ANKFN1: variants seen among roughly 807,000 people sequenced by gnomAD.
The protein encoded by ANKFN1 is ankyrin repeat and fibronectin type III domain containing 1, also known as ankyrin repeat and fibronectin type-III domain-containing protein 1.
Under a neutral mutation model 108.7 loss-of-function variants are expected in ANKFN1, and 74 were observed. The observed-to-expected ratio is 0.68, with a 90% CI of 0.56 to 0.83. The LOEUF (loss-of-function observed/expected upper bound fraction) is 0.83, where lower values mean the gene tolerates loss of function less well. ANKFN1 is among the 40% of genes least tolerant of loss of function. The probability of loss-of-function intolerance (pLI) is 0.00; values close to 1 mark genes in which losing one functional copy is unlikely to be tolerated. For missense variants in ANKFN1, 1,505 were observed against 1,382.3 expected (o/e 1.09, Z -1.41); for synonymous variants, 547 against 516.2 (o/e 1.06, Z -0.81).
chr17:56,240,879 G>T (rs1206053724), intron 3 of ANKFN1, among the ~76,000 whole-genome samples: 1 of 151,070 alleles, frequency 6.6e-6, no homozygotes, highest in African/African-American at 2.4e-5. Flanking sequence ...TTATTTTTAT[G>T]GTTTTGTATA....
intron 4 of ANKFN1, among the ~76,000 whole-genome samples, chr17:56,132,050 G>A (rs1388794304): frequency 6.6e-6 from 1 of 152,058 alleles, no homozygotes; most frequent in Non-Finnish European, 1.5e-5. Flanking sequence ...TTCATTTACT[G>A]TTCACAGTTG....
At chr17:56,068,586 G>A (rs1428764382) in intron 4 of ANKFN1, among the ~76,000 whole-genome samples, 1 of 152,198 alleles carries the variant, frequency 6.6e-6, no homozygotes, top group Non-Finnish European at 1.5e-5. Flanking sequence ...AGAAGGTAGT[G>A]AAAGATTTAG....
chr17:56,391,788 A>T (rs2047446080), intron 8 of ANKFN1, among the ~76,000 whole-genome samples: 1 of 152,160 alleles, frequency 6.6e-6, no homozygotes, highest in African/African-American at 2.4e-5. Flanking sequence ...TGAGAACATA[A>T]GGTCAAGTTT....
chr17:56,511,163 C>A lies in ANKFN1; in HGVS notation c.3335C>A (p.Pro1112Gln), dbSNP rs1478337173. 2 of 1,535,940 alleles carry A rather than the reference C, an allele frequency of 1.3e-6. No homozygotes were observed. The highest frequency in any genetic ancestry group is 2.7e-5 in the African/African-American group (2 of 73,060). The change falls in exon 21 of 21, where the codon CCG (proline) becomes CAG (glutamine). Residue 1112 changes from proline (P) to glutamine (Q), a missense_variant. Pro to Gln is a moderately conservative substitution (Grantham distance 76). Coordinates refer to ENST00000682825, the MANE Select transcript of ANKFN1 (RefSeq NM_001370326.1). The part of the protein sequence containing the change: ...QDEKPWASLS[P>Q]PSGGRITLPS... Reference sequence around the variant, plus strand: ...GAAAAACCATGGGCAAGCTTGAGCCCGCCCTCTGGAGGCCGCATCACCCTG... The same window carrying A: ...GAAAAACCATGGGCAAGCTTGAGCCAGCCCTCTGGAGGCCGCATCACCCTG...
rs1251333132 is a variant in ANKFN1, at chr17:56,318,256, C to T, written c.54-7965C>T. On this transcript the variant is annotated intron_variant, in intron 3 of 20. Coordinates refer to ENST00000682825, the MANE Select transcript of ANKFN1 (RefSeq NM_001370326.1). The stretch of plus-strand genomic sequence containing the variant: ...AATGGTTCTGGGGGGGGTGTGCTGG[C>T]CTTTGGCATGATACCTCTACCCTCA... Among the ~76,000 whole-genome samples, 7 of 152,004 alleles carry T rather than the reference C, an allele frequency of 4.6e-5. No homozygotes were observed. In the East Asian group the frequency reaches 1.4e-3, roughly 29 times the overall value.
chr17:56,333,701 C>G (rs1416969953), intron 4 of ANKFN1, among the ~76,000 whole-genome samples: 3 of 151,890 alleles, frequency 2.0e-5, no homozygotes, highest in African/African-American at 7.3e-5. Context: ...GAAAATGAAG[C>G]CAAAGTTTTG....
intron 6 of ANKFN1, among the ~76,000 whole-genome samples, chr17:56,359,062 C>G (rs936035623): frequency 6.6e-6 from 1 of 152,180 alleles, no homozygotes; most frequent in East Asian, 1.9e-4. Flanking sequence ...AATCTGGTCA[C>G]TCACAGAGAT....
chr17:56,260,783 T>C (rs1327273542), intron 3 of ANKFN1, among the ~76,000 whole-genome samples: 2 of 152,098 alleles, frequency 1.3e-5, no homozygotes, highest in Admixed American at 6.6e-5. Flanking sequence ...TCCAGTTACC[T>C]CTCCTTTAAA....
At chr17:56,323,324 A>C (rs539292753) in intron 3 of ANKFN1, 2 of 152,668 alleles carry the variant, frequency 1.3e-5, no homozygotes, top group East Asian at 3.9e-4. Flanking sequence ...TCTCACTTAT[A>C]CTTCTCTCAG....
At chr17:56,354,536 G>C (rs2046326375) in intron 6 of ANKFN1, among the ~76,000 whole-genome samples, 1 of 152,104 alleles carries the variant, frequency 6.6e-6, no homozygotes, top group Non-Finnish European at 1.5e-5. Flanking sequence ...TGCTTGTTGG[G>C]AATACTTCCA....
chr17:56,483,306 C>T (rs981153909), intron 18 of ANKFN1, among the ~76,000 whole-genome samples: 3 of 152,078 alleles, frequency 2.0e-5, no homozygotes, highest in Non-Finnish European at 2.9e-5. Context: ...AGCAAGAGTT[C>T]GGTCAGTTCA....
intron 6 of ANKFN1, among the ~76,000 whole-genome samples, chr17:56,369,208 A>C (rs1482578577): frequency 6.6e-6 from 1 of 152,146 alleles, no homozygotes; most frequent in Non-Finnish European, 1.5e-5. Flanking sequence ...TTGGTGCTAG[A>C]GAAGGCAGCT....
At chr17:56,207,624 C>A (rs1464266444) in intron 1 of ANKFN1, among the ~76,000 whole-genome samples, 1 of 152,208 alleles carries the variant, frequency 6.6e-6, no homozygotes, top group African/African-American at 2.4e-5. Flanking sequence ...TTTGTCTTCT[C>A]ATTCTCCACT....
chr17:56,197,521 T>C (rs1228203468), intron 1 of ANKFN1, among the ~76,000 whole-genome samples: 2 of 152,182 alleles, frequency 1.3e-5, no homozygotes, highest in African/African-American at 2.4e-5. Flanking sequence ...AGCAAATTCC[T>C]AGGGAGGCTG....
In ANKFN1 at chr17:56,492,236, T is replaced by C; in HGVS notation, c.2310T>C (p.Leu770=). The change falls in exon 19 of 21, where the codon CTT becomes CTC. Residue 770 remains leucine (L), a synonymous_variant. Transcript: ENST00000682825. ...REKFISLYCR[L]SAVVELDSLN... ...AATTTATTAGTCTGTATTGCCGCCT[T>C]TCTGCTGTTGTGGAGCTGGATTCTC... 1.4e-6 allele frequency: 1 copy of C among 702,618 alleles called. No homozygotes were observed. The highest frequency in any genetic ancestry group is 2.6e-6 in the Non-Finnish European group (1 of 384,734). The allele number at this position is 702,618 out of a possible 1,614,324, so 43.5% of individuals were successfully genotyped here. A position where few individuals can be genotyped will look rare whatever the true frequency, so the allele number is the denominator to read the frequency against.
chr17:56,069,487 C>CTGTGT (rs1905096519), intron 4 of ANKFN1, among the ~76,000 whole-genome samples: 1 of 152,172 alleles, frequency 6.6e-6, no homozygotes, highest in Non-Finnish European at 1.5e-5. Flanking sequence ...CCTAAGCAAA[C>CTGTGT]CACTGAATGA....
chr17:56,146,167 G>A (rs1658235326), intron 4 of ANKFN1, among the ~76,000 whole-genome samples: 1 of 152,218 alleles, frequency 6.6e-6, no homozygotes, highest in Admixed American at 6.5e-5. Context: ...TCCAGATTAT[G>A]CTGATGCAAG....
chr17:56,278,787 A>G (rs2043999166), intron 3 of ANKFN1, among the ~76,000 whole-genome samples: 3 of 152,254 alleles, frequency 2.0e-5, no homozygotes, highest in African/African-American at 7.2e-5. Context: ...AACAAAGCCT[A>G]ACAGCTTAGA....
At chr17:56,379,653 G>A (rs2047040434) in intron 8 of ANKFN1, among the ~76,000 whole-genome samples, 1 of 152,156 alleles carries the variant, frequency 6.6e-6, no homozygotes, top group South Asian at 2.1e-4. Context: ...CTATGTAAAT[G>A]TGTTTGGCTC....
Sources: allele counts gnomAD v4.1 joint callset (sites outside exome capture counted in the v4.1 genomes callset), GRCh38; gene constraint gnomAD v4.1.1; transcripts MANE v1.5; gene names NCBI Gene and HGNC (gene_info 2026-07-23, HGNC 2026-07-21).